Variants in ELF1 observed in about 807,000 individuals in gnomAD.
ELF1 encodes ETS-related transcription factor Elf-1.
In ELF1, 24 loss-of-function variants were observed where a neutral mutation model predicts 59.9. The observed-to-expected ratio is 0.40, with a 90% CI of 0.29 to 0.56. ELF1 has a LOEUF of 0.56. Among genes scored for constraint, ELF1 ranks in the 20% least tolerant of loss-of-function variants. ELF1 has a pLI of 0.44. For missense variants in ELF1, 627 were observed against 742.2 expected (o/e 0.84, Z 1.80); for synonymous variants, 248 against 266.2 (o/e 0.93, Z 0.67).
At chr13:41,006,262 T>A (rs915727190) in intron 1 of ELF1, among the ~76,000 whole-genome samples, 2 of 152,190 alleles carry the variant, frequency 1.3e-5, no homozygotes, top group African/African-American at 4.8e-5. Flanking sequence ...ATCTTTAGTA[T>A]ATCTCTGCTC....
intron 1 of ELF1, among the ~76,000 whole-genome samples, chr13:40,999,388 G>A (rs1874288127): frequency 6.6e-6 from 1 of 152,184 alleles, no homozygotes; most frequent in East Asian, 1.9e-4. Context: ...TTGTGTCTGT[G>A]CGTGTATGCG....
chr13:40,944,300 TAC>T (rs1486858510), intron 5 of ELF1, among the ~76,000 whole-genome samples: 1 of 152,242 alleles, frequency 6.6e-6, no homozygotes, highest in Admixed American at 6.5e-5. Context: ...AAATAAGCCA[TAC>T]AGTTTTGTCT....
intron 1 of ELF1, among the ~76,000 whole-genome samples, chr13:41,059,606 TC>T (rs1380090250): frequency 2.0e-5 from 3 of 152,162 alleles, no homozygotes; most frequent in Admixed American, 6.5e-5. Flanking sequence ...AGTCACTTTT[TC>T]CTTCTTCGTT....
intron 1 of ELF1, among the ~76,000 whole-genome samples, chr13:40,986,588 T>C (rs993552659): frequency 6.6e-6 from 1 of 152,222 alleles, no homozygotes; most frequent in African/African-American, 2.4e-5. Context: ...ACTGTAATTC[T>C]ATTCCAGTGC....
intron 1 of ELF1, among the ~76,000 whole-genome samples, chr13:41,054,296 G>C (rs1301089307): frequency 6.6e-6 from 1 of 152,148 alleles, no homozygotes. Context: ...TCTATTTAAT[G>C]AGCATCACTG....
chr13:41,024,542 AT>A (rs1166278527), intron 1 of ELF1, among the ~76,000 whole-genome samples: 1 of 151,978 alleles, frequency 6.6e-6, no homozygotes, highest in Non-Finnish European at 1.5e-5. Context: ...TGTCTGGCTA[AT>A]TTTTGTATTT....
chr13:41,000,825 A>C (rs994828970), intron 1 of ELF1, among the ~76,000 whole-genome samples: 2 of 152,042 alleles, frequency 1.3e-5, no homozygotes, highest in African/African-American at 4.8e-5. Context: ...CTCTGCATAG[A>C]TACAAAAATC....
rs1335405583 is a variant in ELF1 at position 40,959,967 on chromosome 13, TA to T, written c.73-952del. Among the ~76,000 whole-genome samples the T allele has an allele frequency of 4.6e-5, 7 of 152,302 alleles. No individual in the cohort carries two copies. The East Asian group carries it at 1.3e-3, about 29-fold the overall frequency. On this transcript the variant is annotated intron_variant, in intron 2 of 8. Transcript: ENST00000239882. ...TCATTTTGAGATAATCGCAGACTTA[TA>T]AAAGTTGCAAAAACAGCACAAATAA... is the stretch of plus-strand genomic sequence containing the variant.
intron 2 of ELF1, among the ~76,000 whole-genome samples, chr13:40,971,221 A>T (rs1872531823): frequency 1.3e-5 from 2 of 152,170 alleles, no homozygotes; most frequent in South Asian, 4.1e-4. Flanking sequence ...CTTCTAAATG[A>T]TCACTGTATT....
At chr13:40,959,584 A>T (rs904675595) in intron 2 of ELF1, among the ~76,000 whole-genome samples, 1 of 152,210 alleles carries the variant, frequency 6.6e-6, no homozygotes, top group African/African-American at 2.4e-5. Flanking sequence ...AATGTTAATT[A>T]AATCAAATCT....
chr13:41,016,970 A>ATATATATATATATATT (rs1875440223), intron 1 of ELF1, among the ~76,000 whole-genome samples: 1 of 126,684 alleles, frequency 7.9e-6, no homozygotes, highest in Non-Finnish European at 1.6e-5. Context: ...ATATATATAT[A>ATATATATATATATATT]TATATATATA....
intron 1 of ELF1, among the ~76,000 whole-genome samples, chr13:41,004,680 T>C (rs544660360): frequency 6.6e-6 from 1 of 152,208 alleles, no homozygotes; most frequent in Non-Finnish European, 1.5e-5. Context: ...AATAATTAGA[T>C]ACTAAAATTT....
At position 40,951,439 on chromosome 13, in the gene ELF1, G is replaced by A. The variant is rs759512757; in HGVS notation, c.254-3C>T. Reference sequence around the variant, plus strand: ...CCCGTCATGACAAGAAGCTTCAACTGCAACACATTTAAAGAGAAAATTAAA... The same window carrying A: ...CCCGTCATGACAAGAAGCTTCAACTACAACACATTTAAAGAGAAAATTAAA... On this transcript the variant is annotated splice_polypyrimidine_tract_variant and splice_region_variant and intron_variant, in intron 3 of 8. Transcript: ENST00000239882. 6.2e-7 allele frequency: 1 copy of A among 1,612,612 alleles called. No individual in the cohort carries two copies. Among genetic ancestry groups the A allele is most frequent in the South Asian group, 1.1e-5 (1 of 90,962 alleles).
chr13:41,046,372 C>T (rs1446731250), intron 1 of ELF1, among the ~76,000 whole-genome samples: 1 of 152,204 alleles, frequency 6.6e-6, no homozygotes, highest in Non-Finnish European at 1.5e-5. Context: ...GCAGTTTCTT[C>T]CTAGCATCAA....
At chr13:41,059,918 G>T (rs1248651594) in intron 1 of ELF1, among the ~76,000 whole-genome samples, 1 of 152,098 alleles carries the variant, frequency 6.6e-6, no homozygotes, top group Non-Finnish European at 1.5e-5. Context: ...AGACCCTTTG[G>T]AAAGTCGATA....
intron 2 of ELF1, among the ~76,000 whole-genome samples, chr13:40,969,150 T>C (rs748149830): frequency 6.6e-6 from 1 of 152,240 alleles, no homozygotes; most frequent in Non-Finnish European, 1.5e-5. Context: ...ACTACAGGTG[T>C]AGTACATGAG....
intron 5 of ELF1, among the ~76,000 whole-genome samples, chr13:40,944,484 T>C (rs1348253754): frequency 6.6e-6 from 1 of 152,196 alleles, no homozygotes; most frequent in Non-Finnish European, 1.5e-5. Context: ...TTAAATGCTA[T>C]CCTCCTGTGT....
chr13:41,051,473 C>G (rs1006121860), intron 1 of ELF1, among the ~76,000 whole-genome samples: 1 of 151,952 alleles, frequency 6.6e-6, no homozygotes, highest in Non-Finnish European at 1.5e-5. Context: ...GACGTTTGAA[C>G]AGCTGAGGTA....
In ELF1 at chr13:41,026,590, C is replaced by T. The variant is rs568523404; in HGVS notation, c.-229+34248G>A. On this transcript the variant is annotated intron_variant, in intron 1 of 1. Transcript: ENST00000405737. ...AGGCCTGTAGGATTTTGGAGCAAGA[C>T]CTTGCCATCAACTGCAGATAATACT... Among the ~76,000 whole-genome samples the T allele has an allele frequency of 4.6e-5, 7 of 152,294 alleles. No homozygotes were observed. In the South Asian group the frequency reaches 1.4e-3, roughly 32 times the overall value.
Sources: gnomAD v4.1 joint callset for allele counts (sites outside exome capture counted in the v4.1 genomes callset) on GRCh38, gnomAD v4.1.1 for gene constraint, MANE v1.5 for transcripts, NCBI Gene and HGNC (gene_info 2026-07-23, HGNC 2026-07-21) for gene names.